AFG2A: variants seen among roughly 807,000 people sequenced by gnomAD.
The protein encoded by AFG2A is ATPase family gene 2 protein homolog A.
the AFG2A span, among the ~76,000 whole-genome samples, chr4:123,074,752 A>T: frequency 1.9e-4 from 29 of 152,170 alleles, no homozygotes; most frequent in African/African-American, 6.8e-4. Flanking sequence ...GTAATTCACT[A>T]GGATCTCTCC....
chr4:123,205,200 A>G, the AFG2A span, among the ~76,000 whole-genome samples: 115 of 152,082 alleles, frequency 7.6e-4, no homozygotes, highest in African/African-American at 2.6e-3. Flanking sequence ...TCTAATTACA[A>G]TTTTTCAGAA....
At chr4:123,015,337 C>T in the AFG2A span, among the ~76,000 whole-genome samples, 9 of 151,658 alleles carry the variant, frequency 5.9e-5, no homozygotes, top group Middle Eastern at 6.8e-3. Context: ...TGCGGCCTTC[C>T]GCAGTGTTTG....
the AFG2A span, among the ~76,000 whole-genome samples, chr4:123,300,870 G>C: frequency 1.1e-4 from 16 of 151,522 alleles, 1 homozygote; most frequent in African/African-American, 3.9e-4. Context: ...AATTTTCTAG[G>C]GTACAAAAGA....
the AFG2A span, among the ~76,000 whole-genome samples, chr4:123,183,040 G>A: frequency 6.6e-6 from 1 of 152,164 alleles, no homozygotes; most frequent in African/African-American, 2.4e-5. Context: ...AGGATTTCCT[G>A]GCCATGAACC....
the AFG2A span, among the ~76,000 whole-genome samples, chr4:123,031,063 A>G: frequency 2.6e-5 from 4 of 152,260 alleles, no homozygotes; most frequent in Admixed American, 2.0e-4. Flanking sequence ...ATTTTCATCT[A>G]TTCAGTGTTT....
chr4:122,950,402 C>T, the AFG2A span, among the ~76,000 whole-genome samples: 1,675 of 151,254 alleles, frequency 0.011, 42 homozygotes, highest in African/African-American at 0.037. Context: ...CGCAATGGCG[C>T]GATCTCGGCT....
chr4:123,201,534 A>C, the AFG2A span, among the ~76,000 whole-genome samples: 1 of 152,350 alleles, frequency 6.6e-6, no homozygotes, highest in East Asian at 1.9e-4. Flanking sequence ...TTGCTGAGCA[A>C]AAATGGGGTG....
the AFG2A span, among the ~76,000 whole-genome samples, chr4:123,229,632 G>A: frequency 6.6e-6 from 1 of 151,984 alleles, no homozygotes; most frequent in African/African-American, 2.4e-5. Context: ...GGCAATTTTG[G>A]ATGTAGGAAA....
chr4:123,039,957 A>G, the AFG2A span, among the ~76,000 whole-genome samples: 1 of 152,088 alleles, frequency 6.6e-6, no homozygotes, highest in Non-Finnish European at 1.5e-5. Context: ...CTGACAGCCT[A>G]GTACTCCATT....
chr4:122,937,540 G>A, the AFG2A span, among the ~76,000 whole-genome samples: 1 of 152,050 alleles, frequency 6.6e-6, no homozygotes, highest in Non-Finnish European at 1.5e-5. Context: ...TTCCCCCAAT[G>A]ATAGTAGATG....
chr4:123,254,395 C>A, the AFG2A span, among the ~76,000 whole-genome samples: 1 of 152,068 alleles, frequency 6.6e-6, no homozygotes, highest in Non-Finnish European at 1.5e-5. Flanking sequence ...GCCTTAAAAT[C>A]AGTATGGACT....
the AFG2A span, among the ~76,000 whole-genome samples, chr4:123,096,884 C>A: frequency 5.9e-5 from 9 of 152,060 alleles, no homozygotes; most frequent in Non-Finnish European, 1.3e-4. Context: ...TACAGTTTTT[C>A]TGGAAGAGGA....
chr4:123,130,100 C>T, the AFG2A span, among the ~76,000 whole-genome samples: 35 of 152,120 alleles, frequency 2.3e-4, no homozygotes, highest in East Asian at 2.7e-3. Context: ...CCTCAAACTC[C>T]TGGGCTCAAA....
chr4:123,174,193 G>T, the AFG2A span, among the ~76,000 whole-genome samples: 1 of 152,266 alleles, frequency 6.6e-6, no homozygotes, highest in Non-Finnish European at 1.5e-5. Context: ...TGTTTTTCCA[G>T]ATTTAGCAGT....
chr4:123,052,217 A>G, the AFG2A span, among the ~76,000 whole-genome samples: 1 of 151,966 alleles, frequency 6.6e-6, no homozygotes. Flanking sequence ...CCTTTTCATC[A>G]GTCCTGCTGT....
the AFG2A span, among the ~76,000 whole-genome samples, chr4:122,957,771 G>C: frequency 6.6e-6 from 1 of 152,056 alleles, no homozygotes; most frequent in African/African-American, 2.4e-5. Context: ...GTTTCCTTGG[G>C]CAGGTGCAAG....
the AFG2A span, among the ~76,000 whole-genome samples, chr4:123,007,568 ATGTGTGTGTGTGTGTGTGTGTGTG>A: frequency 0.12 from 10,713 of 91,530 alleles, 761 homozygotes; most frequent in Middle Eastern, 0.16. Flanking sequence ...GTGTGTGTAT[ATGTGTGTGTGTGTGTGTGTGTGTG>A]TGTGTGTGTG....
At chr4:123,020,075 G>T in the AFG2A span, among the ~76,000 whole-genome samples, 1 of 151,732 alleles carries the variant, frequency 6.6e-6, no homozygotes, top group Non-Finnish European at 1.5e-5. Flanking sequence ...TTTGTTTTTG[G>T]CTGAACCTTT....
the AFG2A span, among the ~76,000 whole-genome samples, chr4:122,984,488 A>G: frequency 6.6e-6 from 1 of 152,088 alleles, no homozygotes; most frequent in Admixed American, 6.6e-5. Flanking sequence ...CAATACTATG[A>G]TGAAGAGGAG....
Sources: gnomAD v4.1 joint callset for allele counts (sites outside exome capture counted in the v4.1 genomes callset) on GRCh38, gnomAD v4.1.1 for gene constraint, MANE v1.5 for transcripts, NCBI Gene and HGNC (gene_info 2026-07-23, HGNC 2026-07-21) for gene names.